Variants in TEX9 observed in about 807,000 individuals in gnomAD.
TEX9 encodes testis expressed 9.
Under a neutral mutation model 59.6 loss-of-function variants are expected in TEX9, and 74 were observed. The ratio of observed to expected loss-of-function variants is 1.24; its 90% CI spans 1.03 to 1.51. The LOEUF (loss-of-function observed/expected upper bound fraction) is 1.51, where lower values mean the gene tolerates loss of function less well. Ranked by LOEUF, TEX9 falls within the 40% of genes most tolerant of loss-of-function variation. The probability of loss-of-function intolerance (pLI) is 0.00; values close to 1 mark genes in which losing one functional copy is unlikely to be tolerated. For synonymous variants in TEX9, 186 were observed against 152.2 expected, an observed-to-expected ratio of 1.22 and a Z score of -1.64; for missense variants, 522 against 447.8, an observed-to-expected ratio of 1.17 and a Z score of -1.49.
At chr15:56,456,067 G>A in the TEX9 span, among the ~76,000 whole-genome samples, 6 of 152,096 alleles carry the variant, frequency 3.9e-5, no homozygotes, top group African/African-American at 1.4e-4. Flanking sequence ...AATTTATGTA[G>A]AGGTATAAAA....
intron 1 of TEX9, among the ~76,000 whole-genome samples, chr15:56,271,812 T>A (rs2044539441): frequency 6.6e-6 from 1 of 152,078 alleles, no homozygotes; most frequent in South Asian, 2.1e-4. Context: ...TTAGAAAAAA[T>A]TCATATAAAA....
chr15:56,432,168 C>T (rs760656705), intron 12 of TEX9, among the ~76,000 whole-genome samples: 8 of 152,126 alleles, frequency 5.3e-5, no homozygotes, highest in Non-Finnish European at 1.0e-4. Flanking sequence ...AAACTTGATA[C>T]ATTTTTGTCC....
intron 1 of TEX9, among the ~76,000 whole-genome samples, chr15:56,249,287 A>G (rs369022163): frequency 6.6e-6 from 1 of 152,276 alleles, no homozygotes; most frequent in South Asian, 2.1e-4. Flanking sequence ...TCCAGGGGGC[A>G]CCATTCACAT....
At chr15:56,363,818 C>T (rs2046838268), upstream of TEX9, among the ~76,000 whole-genome samples, 1 of 151,174 alleles carries the variant, frequency 6.6e-6, no homozygotes, top group Non-Finnish European at 1.5e-5. Context: ...GCATGTACCA[C>T]TGGACCCAGC....
At chr15:56,454,150 A>G in the TEX9 span, among the ~76,000 whole-genome samples, 1 of 152,188 alleles carries the variant, frequency 6.6e-6, no homozygotes, top group Non-Finnish European at 1.5e-5. Flanking sequence ...AATTTTTCAC[A>G]AGGTATAAAA....
At chr15:56,382,106 A>G (rs1425798135) in intron 3 of TEX9, among the ~76,000 whole-genome samples, 1 of 152,042 alleles carries the variant, frequency 6.6e-6, no homozygotes, top group Non-Finnish European at 1.5e-5. Context: ...TCCCCTTTCC[A>G]CAGGCAGAGG....
intron 9 of TEX9, among the ~76,000 whole-genome samples, chr15:56,403,083 G>C (rs1488383759): frequency 6.6e-6 from 1 of 152,208 alleles, no homozygotes. Context: ...ACAAGAGAAG[G>C]ATGCCCTCTC....
intron 1 of TEX9, among the ~76,000 whole-genome samples, chr15:56,293,148 A>C (rs2045135428): frequency 6.6e-6 from 1 of 152,076 alleles, no homozygotes; most frequent in Admixed American, 6.5e-5. Context: ...CAGTGTGGCC[A>C]AGATAGTGAG....
At chr15:56,325,046 G>T (rs2045993693) in intron 1 of TEX9, among the ~76,000 whole-genome samples, 1 of 152,142 alleles carries the variant, frequency 6.6e-6, no homozygotes, top group Admixed American at 6.5e-5. Flanking sequence ...AATCAAACAG[G>T]TTTAAGTCAG....
chr15:56,405,221 G>A (rs1201202079), intron 9 of TEX9, among the ~76,000 whole-genome samples: 6 of 151,754 alleles, frequency 4.0e-5, no homozygotes, highest in South Asian at 2.1e-4. Flanking sequence ...GGAGAATGGC[G>A]TGGCGTGAAA....
intron 1 of TEX9, among the ~76,000 whole-genome samples, chr15:56,348,083 A>G (rs1286060165): frequency 4.6e-5 from 7 of 152,096 alleles, no homozygotes; most frequent in Non-Finnish European, 8.8e-5. Flanking sequence ...TCAGTATCCT[A>G]ATTGTGATAT....
chr15:56,285,662 T>G (rs1250187156), intron 1 of TEX9, among the ~76,000 whole-genome samples: 1 of 152,226 alleles, frequency 6.6e-6, no homozygotes, highest in Non-Finnish European at 1.5e-5. Flanking sequence ...TTCAGTACTC[T>G]TAAGGAAATT....
chr15:56,249,482 G>A lies in TEX9; in HGVS notation c.-107+5204G>A, dbSNP rs532946198. 7.2e-5 allele frequency among the ~76,000 whole-genome samples: 11 copies of A among 151,760 alleles called. No homozygotes were observed. In the East Asian group the frequency reaches 2.1e-3, roughly 29 times the overall value. Reference sequence around the variant, plus strand: ...GGGAGGGAGGGAAGAAAGGAGGGAGGGAGGGAAGGAAGGAAGGGGCGCTGA... The same window carrying A: ...GGGAGGGAGGGAAGAAAGGAGGGAGAGAGGGAAGGAAGGAAGGGGCGCTGA... On this transcript the variant is annotated intron_variant, in intron 1 of 5. Transcript: ENST00000560827.
intron 2 of TEX9, among the ~76,000 whole-genome samples, chr15:56,370,868 CT>C (rs1165407967): frequency 5.3e-5 from 8 of 151,876 alleles, no homozygotes; most frequent in Non-Finnish European, 1.0e-4. Context: ...CTTTTTTTCT[CT>C]TTTGGAGACA....
chr15:56,400,694 A>G (rs1290862333), intron 9 of TEX9, among the ~76,000 whole-genome samples: 3 of 152,182 alleles, frequency 2.0e-5, no homozygotes, highest in Non-Finnish European at 4.4e-5. Context: ...CAGATTCACC[A>G]AGGTTGAAAT....
chr15:56,270,570 G>T (rs2044504064), intron 1 of TEX9, among the ~76,000 whole-genome samples: 1 of 152,134 alleles, frequency 6.6e-6, no homozygotes, highest in Admixed American at 6.6e-5. Context: ...ACACTGATGG[G>T]TCTTGACTCT....
rs1399248449 is a variant in TEX9 at position 56,314,253 on chromosome 15, T to G, written c.-106-59188T>G. Among the ~76,000 whole-genome samples the G allele has an allele frequency of 6.4e-5, 5 of 78,180 alleles. No individual in the cohort carries two copies. The East Asian group carries it at 1.5e-3, about 24-fold the overall frequency. The allele number at this position is 78,180 out of a possible 152,430, so 51.3% of individuals were successfully genotyped here. ...TTAATTGTGATGTTAGGGTGTCAAT[T>G]TTGGATCTTTCCTGCTTTCTCTTGT... On this transcript the variant is annotated intron_variant, in intron 1 of 5. Coordinates refer to the TEX9 transcript ENST00000560827.
At chr15:56,388,970 T>C (rs2142242881) in intron 5 of TEX9, among the ~76,000 whole-genome samples, 1 of 152,164 alleles carries the variant, frequency 6.6e-6, no homozygotes, top group Admixed American at 6.6e-5. Context: ...GGGAACTGTA[T>C]ACCTGAAGGC....
chr15:56,355,392 G>A (rs1596112157), intron 1 of TEX9, among the ~76,000 whole-genome samples: 2 of 152,180 alleles, frequency 1.3e-5, no homozygotes, highest in African/African-American at 4.8e-5. Flanking sequence ...AGCAGTATTT[G>A]TTAAAAAACT....
Sources: gnomAD v4.1 joint callset for allele counts (sites outside exome capture counted in the v4.1 genomes callset) on GRCh38, gnomAD v4.1.1 for gene constraint, MANE v1.5 for transcripts, NCBI Gene and HGNC (gene_info 2026-07-23, HGNC 2026-07-21) for gene names.